Variants in HECW1 observed in about 807,000 individuals in gnomAD.
HECW1 encodes E3 ubiquitin-protein ligase HECW1.
In HECW1, 61 loss-of-function variants were observed where a neutral mutation model predicts 182.3. The observed-to-expected ratio is 0.33, with a 90% CI of 0.27 to 0.41. The LOEUF is 0.41. Ranked by LOEUF, HECW1 falls within the 10% of genes least tolerant of loss-of-function variation. The pLI is 1.00. For missense variants in HECW1, 1,739 were observed against 2,108.9 expected, an observed-to-expected ratio of 0.82 and a Z score of 3.44; for synonymous variants, 859 against 832.6, an observed-to-expected ratio of 1.03 and a Z score of -0.55.
chr7:43,225,145 C>T (rs186087086), intron 2 of HECW1, among the ~76,000 whole-genome samples: 224 of 152,252 alleles, frequency 1.5e-3, no homozygotes, highest in African/African-American at 4.6e-3. Flanking sequence ...TGAGCCAGAT[C>T]GAGGGACTCA....
intron 16 of HECW1, 68 bp downstream of exon 16, chr7:43,469,173 C>G: frequency 6.7e-7 from 1 of 1,498,758 alleles, no homozygotes; most frequent in Non-Finnish European, 9.2e-7. Context: ...CTAGCAAGGG[C>G]GTGAGGAGGA....
intron 8 of HECW1, among the ~76,000 whole-genome samples, chr7:43,415,415 C>G (rs1334866692): frequency 4.5e-4 from 66 of 147,738 alleles, no homozygotes; most frequent in African/African-American, 1.6e-3. Context: ...GTCTGATGGG[C>G]TTCCCTTTGA....
chr7:43,496,544 G>T (rs1405398067), intron 19 of HECW1, among the ~76,000 whole-genome samples: 2 of 152,076 alleles, frequency 1.3e-5, no homozygotes, highest in African/African-American at 2.4e-5. Context: ...GCCATGTCAG[G>T]GTGAGTCAGA....
intron 3 of HECW1, among the ~76,000 whole-genome samples, chr7:43,268,093 C>T (rs7784001): frequency 0.15 from 23,493 of 152,166 alleles, 2,465 homozygotes; most frequent in South Asian, 0.26. Context: ...TTATAATTTA[C>T]GCATTTATTT....
At chr7:43,235,269 A>G (rs1798225691) in intron 2 of HECW1, among the ~76,000 whole-genome samples, 1 of 152,268 alleles carries the variant, frequency 6.6e-6, no homozygotes, top group African/African-American at 2.4e-5. Flanking sequence ...TGCTCTGAGG[A>G]GTGGCCACAG....
At chr7:43,227,052 A>C (rs918301965) in intron 2 of HECW1, among the ~76,000 whole-genome samples, 3 of 152,256 alleles carry the variant, frequency 2.0e-5, no homozygotes, top group Non-Finnish European at 1.5e-5. Flanking sequence ...TAGACAATAT[A>C]ATCTGGAAGT....
chr7:43,177,117 CT>C (rs374100320), intron 2 of HECW1, among the ~76,000 whole-genome samples: 3,599 of 151,838 alleles, frequency 0.024, 141 homozygotes, highest in African/African-American at 0.083. Context: ...TGCATATAAA[CT>C]TTTTTTTTCT....
intron 24 of HECW1, among the ~76,000 whole-genome samples, chr7:43,515,285 A>G (rs2080090124): frequency 6.6e-6 from 1 of 152,184 alleles, no homozygotes. Flanking sequence ...TGAAGATGAC[A>G]ATGACAGGGA....
chr7:43,128,410 C>G (rs1458699949), intron 2 of HECW1, among the ~76,000 whole-genome samples: 1 of 152,128 alleles, frequency 6.6e-6, no homozygotes, highest in Non-Finnish European at 1.5e-5. Flanking sequence ...TGCCTGTGCT[C>G]TGTAAATGGA....
Position 43,450,917 on chromosome 7 carries a change from C to T in HECW1, c.2488C>T (p.Pro830Ser). The stretch of plus-strand genomic sequence containing the variant: ...TCATCACTACCCAACAATCGATGAG[C>T]CTCTTCCACCAAGTAAGCTTTAGTT... ...EHHHYPTIDE[P>S]LPPNWEARID... Residue 830 changes from proline to serine, a missense_variant, in exon 12 of 30, where the codon CCT becomes TCT. Transcript: ENST00000395891. The T allele has an allele frequency of 6.2e-7, 1 of 1,606,480 alleles. No homozygotes were observed. Among genetic ancestry groups the T allele is most frequent in the Non-Finnish European group, 8.5e-7 (1 of 1,173,204 alleles).
chr7:43,171,683 T>C (rs1266646993), intron 2 of HECW1, among the ~76,000 whole-genome samples: 1 of 152,252 alleles, frequency 6.6e-6, no homozygotes, highest in African/African-American at 2.4e-5. Context: ...TTTGAAGAAT[T>C]GTCTGAGAAT....
intron 5 of HECW1, among the ~76,000 whole-genome samples, chr7:43,333,805 C>T (rs949904857): frequency 2.6e-5 from 4 of 152,126 alleles, no homozygotes; most frequent in Admixed American, 6.6e-5. Flanking sequence ...CTGGGTCAGC[C>T]ACAGGGAGAT....
rs566249169 is a variant in HECW1 at position 43,468,479 on chromosome 7, CAGAT to C, written c.2914-438_2914-435del. ...CAGCACTCAGGTGGAACGGATATCA[CAGAT>C]AGTCCATGTGGGCCAAGGGGGCATG... On this transcript the variant is annotated intron_variant, in intron 15 of 29. Transcript: ENST00000395891. 3.7e-3 allele frequency among the ~76,000 whole-genome samples: 559 copies of C among 151,768 alleles called. 1 individual carries two copies. Among genetic ancestry groups the C allele is most frequent in the Admixed American group, 6.4e-3 (97 of 15,272 alleles).
intron 2 of HECW1, among the ~76,000 whole-genome samples, chr7:43,138,168 G>T (rs1305330035): frequency 6.6e-6 from 1 of 152,202 alleles, no homozygotes; most frequent in Non-Finnish European, 1.5e-5. Flanking sequence ...ACTGGGAGAG[G>T]TAATGAAAGA....
chr7:43,154,652 A>G (rs1212750089), intron 2 of HECW1, among the ~76,000 whole-genome samples: 4 of 152,194 alleles, frequency 2.6e-5, no homozygotes, highest in Non-Finnish European at 4.4e-5. Context: ...TGCCCCTAGC[A>G]TCCTAAAGAG....
chr7:43,530,765 C>T (rs540266740), intron 24 of HECW1, among the ~76,000 whole-genome samples: 10 of 152,344 alleles, frequency 6.6e-5, no homozygotes, highest in African/African-American at 2.4e-4. Context: ...TGTCATCCTT[C>T]TCTTCTGCTG....
At chr7:43,408,967 G>A (rs1036163631) in intron 8 of HECW1, among the ~76,000 whole-genome samples, 18 of 152,248 alleles carry the variant, frequency 1.2e-4, no homozygotes, top group South Asian at 2.1e-4. Context: ...TGATGGAAAC[G>A]TGCTCCCACC....
intron 2 of HECW1, among the ~76,000 whole-genome samples, chr7:43,143,960 T>C (rs1321505166): frequency 6.6e-6 from 1 of 152,220 alleles, no homozygotes; most frequent in African/African-American, 2.4e-5. Context: ...TGTCAGCCAA[T>C]GGCCAGCAGG....
intron 6 of HECW1, among the ~76,000 whole-genome samples, chr7:43,393,289 C>T (rs2075108724): frequency 6.6e-6 from 1 of 152,176 alleles, no homozygotes; most frequent in Non-Finnish European, 1.5e-5. Context: ...CCAGCCATGT[C>T]CCTGGCAGGC....
Sources: gnomAD v4.1 joint callset for allele counts (sites outside exome capture counted in the v4.1 genomes callset) on GRCh38, gnomAD v4.1.1 for gene constraint, MANE v1.5 for transcripts, NCBI Gene and HGNC (gene_info 2026-07-23, HGNC 2026-07-21) for gene names.